MCC: variants seen among roughly 807,000 people sequenced by gnomAD.
MCC encodes the protein colorectal mutant cancer protein.
A neutral mutation model predicts 116.2 loss-of-function variants in MCC; 90 were observed. The ratio of observed to expected loss-of-function variants is 0.77; its 90% CI spans 0.65 to 0.92. MCC has a LOEUF of 0.92. Among genes scored for constraint, MCC ranks in the 40% least tolerant of loss-of-function variants. MCC has a pLI of 0.00. For synonymous variants in MCC, 578 were observed against 510.5 expected (o/e 1.13, Z -1.78); for missense variants, 1,516 against 1,312.2 (o/e 1.16, Z -2.40).
chr5:113,081,609 T>C (rs2150242217), intron 11 of MCC, among the ~76,000 whole-genome samples: 1 of 152,260 alleles, frequency 6.6e-6, no homozygotes, highest in South Asian at 2.1e-4. Flanking sequence ...TCTGACTTCA[T>C]TAAATTGCAA....
intron 8 of MCC, among the ~76,000 whole-genome samples, chr5:113,088,316 T>G (rs1335041684): frequency 6.6e-6 from 1 of 152,016 alleles, no homozygotes; most frequent in Non-Finnish European, 1.5e-5. Context: ...GCCAATATGC[T>G]GAGTCAGCTT....
At chr5:113,420,456 C>G (rs116142775) in intron 1 of MCC, among the ~76,000 whole-genome samples, 4,894 of 152,224 alleles carry the variant, frequency 0.032, 110 homozygotes, top group East Asian at 0.076. Context: ...TAGTTTACTT[C>G]AAGGGATAAC....
At chr5:113,304,073 C>T (rs1766924656) in intron 3 of MCC, among the ~76,000 whole-genome samples, 1 of 152,102 alleles carries the variant, frequency 6.6e-6, no homozygotes, top group South Asian at 2.1e-4. Flanking sequence ...TACTATGTCC[C>T]TTCAGTCAAG....
At chr5:113,303,669 T>TC (rs1766916259) in intron 3 of MCC, among the ~76,000 whole-genome samples, 1 of 152,068 alleles carries the variant, frequency 6.6e-6, no homozygotes, top group Non-Finnish European at 1.5e-5. Context: ...GGAGATAACT[T>TC]CTTTTTTTTG....
At chr5:113,251,786 G>C (rs1268719200) in intron 3 of MCC, among the ~76,000 whole-genome samples, 2 of 152,198 alleles carry the variant, frequency 1.3e-5, no homozygotes, top group African/African-American at 4.8e-5. Flanking sequence ...TGGCTGCTGA[G>C]TTTCCAGTTT....
chr5:113,312,662 C>G (rs1008604133), intron 3 of MCC, among the ~76,000 whole-genome samples: 3 of 152,212 alleles, frequency 2.0e-5, no homozygotes, highest in Admixed American at 2.0e-4. Context: ...AAGACTTGAT[C>G]CAAAGAACTA....
intron 16 of MCC, 64 bp from the exon 17 acceptor site, chr5:113,043,694 C>T: frequency 8.2e-7 from 1 of 1,213,172 alleles, no homozygotes; most frequent in Non-Finnish European, 1.2e-6. Context: ...TGGAAGCCTG[C>T]AGCAGAGCGC....
At chr5:113,173,522 T>C (rs1325935143) in intron 3 of MCC, among the ~76,000 whole-genome samples, 3 of 152,192 alleles carry the variant, frequency 2.0e-5, no homozygotes, top group Non-Finnish European at 2.9e-5. Flanking sequence ...ACTGTAAAGA[T>C]TTGTTTTGAA....
chr5:113,447,312 C>A (rs900387535), intron 1 of MCC, among the ~76,000 whole-genome samples: 2 of 152,186 alleles, frequency 1.3e-5, no homozygotes, highest in African/African-American at 4.8e-5. Context: ...TTAGTTGAAG[C>A]ATATGGCTGC....
At chr5:113,370,773 C>A (rs896482546) in intron 2 of MCC, among the ~76,000 whole-genome samples, 3 of 152,260 alleles carry the variant, frequency 2.0e-5, no homozygotes, top group African/African-American at 7.2e-5. Flanking sequence ...TACACAGACA[C>A]CCCCTCCCCT....
At chr5:113,204,408 C>T (rs1462564965) in intron 3 of MCC, 1 of 152,122 alleles carries the variant, frequency 6.6e-6, no homozygotes, top group African/African-American at 2.4e-5. Flanking sequence ...CTCTTTCCCT[C>T]CGAAATGCAT....
chr5:113,294,404 G>A, intron 3 of MCC: 1 of 1,613,532 alleles, frequency 6.2e-7, no homozygotes, highest in Non-Finnish European at 8.5e-7. Context: ...TTTCAGAGCT[G>A]GGCTCTCAGT....
chr5:113,399,319 AC>A (rs1769616036), intron 1 of MCC, among the ~76,000 whole-genome samples: 2 of 152,098 alleles, frequency 1.3e-5, no homozygotes, highest in African/African-American at 4.8e-5. Context: ...CCCTGTCTCT[AC>A]TAAAAATACA....
chr5:113,316,842 G>A (rs565833779), intron 3 of MCC, among the ~76,000 whole-genome samples: 1 of 152,318 alleles, frequency 6.6e-6, no homozygotes, highest in East Asian at 1.9e-4. Context: ...GTTTGTGTGT[G>A]TGTATGTATT....
At chr5:113,258,513 T>C (rs771944991) in intron 3 of MCC, among the ~76,000 whole-genome samples, 3 of 152,236 alleles carry the variant, frequency 2.0e-5, no homozygotes, top group Admixed American at 1.3e-4. Context: ...GGAACCCTAT[T>C]GTAAACTGCA....
rs114934741 is a variant in MCC, at chr5:113,036,098, C to T, written c.2757-7042G>A. On this transcript the variant is annotated intron_variant, in intron 17 of 18. Coordinates refer to ENST00000408903, the MANE Select transcript of MCC (RefSeq NM_001085377.2). ...TCGCCCGGTCTGAAGTGCAGTGGTG[C>T]GATCTTGGGCTCAACACAACCTCCA... Among the ~76,000 whole-genome samples, 275 of 137,924 alleles carry T rather than the reference C, an allele frequency of 2.0e-3. 5 individuals carry two copies. The highest frequency in any genetic ancestry group is 7.2e-3 in the African/African-American group (260 of 36,014). The allele number at this position is 137,924 out of a possible 152,430, so 90.5% of individuals were successfully genotyped here.
At chr5:113,073,754 C>T (rs1754213031) in intron 11 of MCC, among the ~76,000 whole-genome samples, 1 of 151,874 alleles carries the variant, frequency 6.6e-6, no homozygotes, top group Non-Finnish European at 1.5e-5. Flanking sequence ...TCTCTGGGGT[C>T]CCACGCCCAC....
At chr5:113,189,936 T>C (rs1406496979) in intron 3 of MCC, among the ~76,000 whole-genome samples, 1 of 152,002 alleles carries the variant, frequency 6.6e-6, no homozygotes, top group Non-Finnish European at 1.5e-5. Flanking sequence ...TGGATGTAGG[T>C]TATCTAGAGA....
At chr5:113,158,137 T>A (rs547612675) in intron 3 of MCC, among the ~76,000 whole-genome samples, 1 of 152,366 alleles carries the variant, frequency 6.6e-6, no homozygotes, top group East Asian at 1.9e-4. Flanking sequence ...AATTGTTTAT[T>A]TTTGGAATTT....
Sources: allele counts gnomAD v4.1 joint callset (sites outside exome capture counted in the v4.1 genomes callset), GRCh38; gene constraint gnomAD v4.1.1; transcripts MANE v1.5; gene names NCBI Gene and HGNC (gene_info 2026-07-23, HGNC 2026-07-21).